KLHL6: variants seen among roughly 807,000 people sequenced by gnomAD.
KLHL6 encodes kelch like family member 6, also known as kelch-like protein 6.
In KLHL6, 41 loss-of-function variants were observed where a neutral mutation model predicts 58.6. The observed-to-expected ratio is 0.70, with a 90% CI of 0.55 to 0.91. The LOEUF (loss-of-function observed/expected upper bound fraction) is 0.91. KLHL6 is among the 40% of genes least tolerant of loss of function. The probability of loss-of-function intolerance (pLI) is 0.00; values close to 1 mark genes in which losing one functional copy is unlikely to be tolerated. For missense variants in KLHL6, 714 were observed against 805.6 expected, an observed-to-expected ratio of 0.89 and a Z score of 1.38; for synonymous variants, 338 against 322.7, an observed-to-expected ratio of 1.05 and a Z score of -0.51.
At chr3:183,496,907 G>A (rs528723138) in intron 4 of KLHL6, among the ~76,000 whole-genome samples, 1 of 152,370 alleles carries the variant, frequency 6.6e-6, no homozygotes, top group East Asian at 1.9e-4. Flanking sequence ...GGAGGCTGAG[G>A]TGGGCGGATC....
chr3:183,489,885 T>A lies in KLHL6; in HGVS notation c.*2042A>T, dbSNP rs1205690615. ...CTAACCGTGACTGTTTAATGAAAAT[T>A]CAATTCACTATCAACTCTAATAACT... On this transcript the variant is annotated 3_prime_UTR_variant, in exon 7 of 7. Transcript: ENST00000341319. 1.3e-5 allele frequency: 2 copies of A among 152,230 alleles called. No individual in the cohort carries two copies. The highest frequency in any genetic ancestry group is 2.9e-5 in the Non-Finnish European group (2 of 68,036). 9.4% of individuals were successfully genotyped at this position (152,230 alleles called of 1,614,324 possible).
At chr3:183,538,835 C>A (rs542835211) in intron 1 of KLHL6, among the ~76,000 whole-genome samples, 9 of 152,268 alleles carry the variant, frequency 5.9e-5, no homozygotes, top group Non-Finnish European at 1.3e-4. Context: ...CTCAAGCTGT[C>A]CCCTAAGTTT....
At chr3:183,547,418 A>T (rs1712762889) in intron 1 of KLHL6, among the ~76,000 whole-genome samples, 2 of 152,102 alleles carry the variant, frequency 1.3e-5, no homozygotes, top group Non-Finnish European at 2.9e-5. Flanking sequence ...AACAGTTTTC[A>T]TTTTGGTGTT....
intron 1 of KLHL6, among the ~76,000 whole-genome samples, chr3:183,535,208 G>A (rs1263746349): frequency 6.6e-6 from 1 of 152,182 alleles, no homozygotes; most frequent in African/African-American, 2.4e-5. Flanking sequence ...CTCCCAAAGT[G>A]CTGGGATTAC....
intron 3 of KLHL6, among the ~76,000 whole-genome samples, chr3:183,506,684 C>T (rs753787454): frequency 1.8e-4 from 27 of 151,794 alleles, no homozygotes; most frequent in African/African-American, 4.4e-4. Flanking sequence ...AAAAATTAGC[C>T]GGGTGTGGTA....
At chr3:183,550,268 A>G (rs538883348) in intron 1 of KLHL6, among the ~76,000 whole-genome samples, 2 of 152,342 alleles carry the variant, frequency 1.3e-5, no homozygotes, top group African/African-American at 4.8e-5. Flanking sequence ...GTCCACATCT[A>G]CTGAATAAGT....
At chr3:183,504,652 T>C (rs114905739) in intron 3 of KLHL6, among the ~76,000 whole-genome samples, 2,178 of 152,278 alleles carry the variant, frequency 0.014, 27 homozygotes, top group South Asian at 0.048. Context: ...ATATTGGAAG[T>C]ATAGTTGATC....
rs958043199 is a variant in KLHL6, at chr3:183,487,827, T to C, written c.*4100A>G. The C allele has an allele frequency of 6.6e-6, 1 of 152,198 alleles. No homozygotes were observed. The highest frequency in any genetic ancestry group is 2.4e-5 in the African/African-American group (1 of 41,454). 9.4% of individuals were successfully genotyped at this position (152,198 alleles called of 1,614,324 possible). A position where few individuals can be genotyped will look rare whatever the true frequency, so the allele number is the denominator to read the frequency against. On this transcript the variant is annotated 3_prime_UTR_variant, in exon 7 of 7. Coordinates refer to ENST00000341319, the MANE Select transcript of KLHL6 (RefSeq NM_130446.4). ...TGAGATCTAATACAACACCCAGGTATTAAGGGAAAAAATGATTTTGCAACC... is the reference window on the plus strand; with the variant it reads ...TGAGATCTAATACAACACCCAGGTACTAAGGGAAAAAATGATTTTGCAACC...
chr3:183,513,269 T>C (rs929313965), intron 2 of KLHL6, among the ~76,000 whole-genome samples: 8 of 152,234 alleles, frequency 5.3e-5, no homozygotes, highest in African/African-American at 1.9e-4. Context: ...GAAAAGGGTA[T>C]CTATTATCAT....
intron 2 of KLHL6, among the ~76,000 whole-genome samples, chr3:183,517,134 G>C (rs1038963265): frequency 6.6e-6 from 1 of 152,090 alleles, no homozygotes; most frequent in Non-Finnish European, 1.5e-5. Context: ...GGCTGGTCTC[G>C]AACTCCTGGC....
In KLHL6 at chr3:183,499,697, C is replaced by T. The variant is rs538330711; in HGVS notation, c.1040G>A (p.Arg347His). 2 of 1,610,806 alleles carry T rather than the reference C, an allele frequency of 1.2e-6. No homozygotes were observed. Among genetic ancestry groups the T allele is most frequent in the Non-Finnish European group, 8.5e-7 (1 of 1,178,704 alleles). Residue 347 changes from arginine to histidine, a missense_variant, in exon 4 of 7, where the codon CGC (arginine) becomes CAC (histidine). By Grantham distance (29) the Arg-to-His change is conservative. Around this residue, in one of 2 missense-constraint regions of KLHL6, gnomAD observed 510 missense variants for 629.7 expected, o/e 0.81. Transcript: ENST00000341319. This position sits in a 1 kb window ranked among gnomAD's most constrained non-coding sequence, Gnocchi z 4.6. ...TAGCGGGAGCTTGGCCACCTCCAGG[C>T]GGCTGCGCCTCAGGGGGTCCAGGCA... is the stretch of plus-strand genomic sequence containing the variant. ...VTCLDPLRRS[R>H]LEVAKLPLTE...
At chr3:183,539,718 A>AG (rs1712489140) in intron 1 of KLHL6, among the ~76,000 whole-genome samples, 2 of 151,682 alleles carry the variant, frequency 1.3e-5, no homozygotes, top group African/African-American at 4.9e-5. Context: ...CAAAAAAAAA[A>AG]AACAAAAAAA....
At chr3:183,497,088 G>T (rs1717733678) in intron 4 of KLHL6, among the ~76,000 whole-genome samples, 1 of 152,182 alleles carries the variant, frequency 6.6e-6, no homozygotes, top group Non-Finnish European at 1.5e-5. Flanking sequence ...AGACCAGCCT[G>T]TCAATATGGT....
chr3:183,540,619 G>T (rs531926598), intron 1 of KLHL6, among the ~76,000 whole-genome samples: 2 of 151,930 alleles, frequency 1.3e-5, no homozygotes, highest in South Asian at 2.1e-4. Context: ...GCCCAGGCTG[G>T]CCTCAATCTC....
intron 1 of KLHL6, among the ~76,000 whole-genome samples, chr3:183,533,615 G>T (rs1001976311): frequency 6.6e-6 from 1 of 151,986 alleles, no homozygotes; most frequent in African/African-American, 2.4e-5. Flanking sequence ...CAAAACAAAG[G>T]TAACTGTTTA....
chr3:183,491,838 C>G lies in KLHL6; in HGVS notation c.*89G>C. 1 of 1,217,168 alleles carries G rather than the reference C, an allele frequency of 8.2e-7. No homozygotes were observed. Among genetic ancestry groups the G allele is most frequent in the Non-Finnish European group, 1.1e-6 (1 of 908,686 alleles). 75.4% of individuals were successfully genotyped at this position (1,217,168 alleles called of 1,614,324 possible). On this transcript the variant is annotated 3_prime_UTR_variant, in exon 7 of 7. Transcript: ENST00000341319. ...CCTGATGTATGGCCTCAAACTCGAG[C>G]CTGCTGCCTGAAGTGGGACTGGAGG...
intron 1 of KLHL6, among the ~76,000 whole-genome samples, chr3:183,533,280 TC>T (rs1169708913): frequency 6.6e-6 from 1 of 151,604 alleles, no homozygotes; most frequent in Non-Finnish European, 1.5e-5. Context: ...TTTCCTTCCT[TC>T]CTTCCTTCCC....
At chr3:183,507,942 G>A in intron 3 of KLHL6, 117 bp downstream of exon 3, 1 of 849,952 alleles carries the variant, frequency 1.2e-6, no homozygotes, top group Non-Finnish European at 1.8e-6. Context: ...GAACAGGGCA[G>A]TGTTTTCTCC....
intron 4 of KLHL6, among the ~76,000 whole-genome samples, chr3:183,495,081 A>G (rs1717677617): frequency 6.6e-6 from 1 of 152,196 alleles, no homozygotes; most frequent in Non-Finnish European, 1.5e-5. Context: ...CTTAAAGCAA[A>G]GATTTACTTT....
Sources: gnomAD v4.1 joint callset for allele counts (sites outside exome capture counted in the v4.1 genomes callset) on GRCh38, gnomAD v4.1.1 for gene constraint, gnomAD v4.1.1 regional missense constraint, Gnocchi (gnomAD v3.1) non-coding constraint, MANE v1.5 for transcripts, NCBI Gene and HGNC (gene_info 2026-07-23, HGNC 2026-07-21) for gene names.